GABRR1: variants seen among roughly 807,000 people sequenced by gnomAD.
GABRR1 encodes the protein gamma-aminobutyric acid type A receptor subunit rho1.
Under a neutral mutation model 55.5 loss-of-function variants are expected in GABRR1, and 59 were observed. The ratio of observed to expected loss-of-function variants is 1.06; its 90% CI spans 0.86 to 1.32. The LOEUF (loss-of-function observed/expected upper bound fraction) is 1.32, where lower values mean the gene tolerates loss of function less well. GABRR1 is among the 40% of genes most tolerant of loss of function. The pLI is 0.00. For synonymous variants in GABRR1, 213 were observed against 226.0 expected, an observed-to-expected ratio of 0.94 and a Z score of 0.51; for missense variants, 602 against 619.1, an observed-to-expected ratio of 0.97 and a Z score of 0.29.
chr6:89,180,910 T>C (rs1182928937), intron 8 of GABRR1, among the ~76,000 whole-genome samples: 1 of 152,186 alleles, frequency 6.6e-6, no homozygotes, highest in African/African-American at 2.4e-5. Flanking sequence ...ATGTCCTGGC[T>C]CTTGGTGTGC....
intron 1 of GABRR1, chr6:89,204,763 C>CT (rs1271517201): frequency 1.3e-6 from 1 of 765,212 alleles, no homozygotes; most frequent in Admixed American, 4.1e-5. Context: ...TATTAGATAA[C>CT]TTTTTTTCCT....
At chr6:89,186,241 G>A (rs1236998250) in intron 6 of GABRR1, among the ~76,000 whole-genome samples, 1 of 152,204 alleles carries the variant, frequency 6.6e-6, no homozygotes, top group Admixed American at 6.5e-5. Context: ...GTGTCAACCT[G>A]GCTTGGCTAT....
At chr6:89,216,669 G>A (rs894010229) in intron 1 of GABRR1, among the ~76,000 whole-genome samples, 4 of 152,192 alleles carry the variant, frequency 2.6e-5, no homozygotes, top group Non-Finnish European at 5.9e-5. Context: ...GCCTGCAGGA[G>A]GCTCCGTCCC....
chr6:89,220,604 C>T (rs1400800619), upstream of GABRR1, among the ~76,000 whole-genome samples: 1 of 152,108 alleles, frequency 6.6e-6, no homozygotes. Context: ...CTTTATAGGA[C>T]AAGGATGTAG....
At chr6:89,179,147 G>A (rs1771638723) in intron 9 of GABRR1, 84 bp from the exon 10 acceptor site, 1 of 1,359,820 alleles carries the variant, frequency 7.4e-7, no homozygotes, top group Non-Finnish European at 1.0e-6. Context: ...AGTGGAGGGT[G>A]TTGCCTGGTT....
chr6:89,210,030 A>T (rs1772774460), intron 1 of GABRR1, among the ~76,000 whole-genome samples: 1 of 152,070 alleles, frequency 6.6e-6, no homozygotes, highest in Non-Finnish European at 1.5e-5. Context: ...GCGAGAGGAA[A>T]GCACCAGAAG....
chr6:89,209,542 T>C (rs946502897), intron 1 of GABRR1, among the ~76,000 whole-genome samples: 1 of 152,146 alleles, frequency 6.6e-6, no homozygotes, highest in Non-Finnish European at 1.5e-5. Flanking sequence ...GAATGTGAAA[T>C]TGCGGACGGA....
Position 89,180,289 on chromosome 6 carries a change from C to T in GABRR1, c.1146+3G>A, listed in dbSNP as rs990461495. On this transcript the variant is annotated splice_donor_region_variant and intron_variant, in intron 9 of 9. Coordinates refer to ENST00000454853, the MANE Select transcript of GABRR1 (RefSeq NM_002042.5). ...AGACACTATAAGCGCATGGCAAAGT[C>T]ACCTTCTCCCGCAGCTTCTGTTCCT... 3 of 1,612,412 alleles carry T rather than the reference C, an allele frequency of 1.9e-6. No individual in the cohort carries two copies. Among genetic ancestry groups the T allele is most frequent in the African/African-American group, 2.7e-5 (2 of 74,798 alleles).
intron 1 of GABRR1, among the ~76,000 whole-genome samples, chr6:89,226,279 A>G (rs569847139): frequency 7.4e-6 from 1 of 136,030 alleles, no homozygotes; most frequent in South Asian, 2.4e-4. Context: ...ATTAGATCCC[A>G]TTGTCAATTT....
chr6:89,180,227 C>T (rs1489613996), intron 9 of GABRR1, 65 bp downstream of exon 9: 3 of 1,543,874 alleles, frequency 1.9e-6, no homozygotes, highest in East Asian at 2.3e-5. Context: ...TCTGCCCTGC[C>T]TGAGGTTCCA....
chr6:89,192,860 T>G (rs1772146229), intron 5 of GABRR1, among the ~76,000 whole-genome samples: 1 of 152,218 alleles, frequency 6.6e-6, no homozygotes, highest in Non-Finnish European at 1.5e-5. Context: ...ATGCCCGGCC[T>G]CATTGACTCT....
chr6:89,204,189 C>A (rs981557856), intron 1 of GABRR1, among the ~76,000 whole-genome samples: 3 of 152,218 alleles, frequency 2.0e-5, no homozygotes, highest in Non-Finnish European at 4.4e-5. Flanking sequence ...TCCTTTTATT[C>A]GATCATCATG....
At chr6:89,188,913 C>T (rs537340881) in intron 6 of GABRR1, among the ~76,000 whole-genome samples, 3 of 152,228 alleles carry the variant, frequency 2.0e-5, no homozygotes, top group African/African-American at 4.8e-5. Flanking sequence ...CACACGAACT[C>T]ACAGTGGCAG....
intron 1 of GABRR1, among the ~76,000 whole-genome samples, chr6:89,211,522 C>T (rs999067364): frequency 5.9e-5 from 9 of 152,120 alleles, no homozygotes; most frequent in Admixed American, 1.3e-4. Context: ...TCATTAATGA[C>T]ACAAAACTAC....
chr6:89,226,246 C>A lies in GABRR1; in HGVS notation c.-410-4800G>T, dbSNP rs536708010. ...TTCACTCTGATGGTAGTTTCTTTTG[C>A]TGTGCAGAAGCTCTTTATTTTAATT... On this transcript the variant is annotated intron_variant, in intron 1 of 11. Coordinates refer to the GABRR1 transcript ENST00000369451. Among the ~76,000 whole-genome samples the A allele has an allele frequency of 5.6e-5, 8 of 142,134 alleles. 1 individual carries two copies. In the South Asian group the frequency reaches 1.6e-3, roughly 28 times the overall value. The allele number at this position is 142,134 out of a possible 152,430, so 93.2% of individuals were successfully genotyped here.
At chr6:89,204,702 A>C in intron 1 of GABRR1, 1 of 1,266,456 alleles carries the variant, frequency 7.9e-7, no homozygotes. Flanking sequence ...ATTCTAGCCA[A>C]GAGAAGACGG....
At chr6:89,222,282 C>T (rs1773126008), upstream of GABRR1, among the ~76,000 whole-genome samples, 1 of 152,216 alleles carries the variant, frequency 6.6e-6, no homozygotes, top group Admixed American at 6.5e-5. Flanking sequence ...TTTGGGGGAA[C>T]AGTCAGCAAT....
chr6:89,199,100 G>A (rs145851293), intron 4 of GABRR1, among the ~76,000 whole-genome samples: 39 of 152,250 alleles, frequency 2.6e-4, no homozygotes, highest in African/African-American at 7.7e-4. Context: ...GCTTACATTT[G>A]AGAGCTTTTG....
intron 1 of GABRR1, among the ~76,000 whole-genome samples, chr6:89,204,054 C>T (rs1772566412): frequency 6.6e-6 from 1 of 152,216 alleles, no homozygotes; most frequent in Non-Finnish European, 1.5e-5. Flanking sequence ...TCAATAAGCT[C>T]CAATAATAGT....
Sources: gnomAD v4.1 joint callset for allele counts (sites outside exome capture counted in the v4.1 genomes callset) on GRCh38, gnomAD v4.1.1 for gene constraint, MANE v1.5 for transcripts, NCBI Gene and HGNC (gene_info 2026-07-23, HGNC 2026-07-21) for gene names.